FLT1: variants seen among roughly 807,000 people sequenced by gnomAD.
The protein encoded by FLT1 is vascular endothelial growth factor receptor 1.
A neutral mutation model predicts 156.3 loss-of-function variants in FLT1; 49 were observed. The observed-to-expected ratio is 0.31, with a 90% CI of 0.25 to 0.40. The LOEUF is 0.40. FLT1 is among the 10% of genes least tolerant of loss of function. The probability of loss-of-function intolerance (pLI) is 1.00; values close to 1 mark genes in which losing one functional copy is unlikely to be tolerated. For missense variants in FLT1, 1,322 were observed against 1,637.2 expected, an observed-to-expected ratio of 0.81 and a Z score of 3.32; for synonymous variants, 594 against 583.8, an observed-to-expected ratio of 1.02 and a Z score of -0.25.
At position 28,430,052 on chromosome 13, in the gene FLT1, T is replaced by A; in HGVS notation, c.1104A>T (p.Val368=). 1 of 1,599,950 alleles carries A rather than the reference T, an allele frequency of 6.3e-7. No homozygotes were observed. Among genetic ancestry groups the A allele is most frequent in the South Asian group, 1.1e-5 (1 of 90,792 alleles). Residue 368 remains valine (V), a splice_region_variant and synonymous_variant, in exon 8 of 30, where the codon GTA becomes GTT. Transcript: ENST00000282397. ...TATGGAAATAAGGATGGTCCTACCATACAACTTCCGGCGAGGGAAATGCCT... is the reference window on the plus strand; with the variant it reads ...TATGGAAATAAGGATGGTCCTACCAAACAACTTCCGGCGAGGGAAATGCCT... ...KVKAFPSPEV[V]WLKDGLPATE... is the part of the protein sequence containing the mutation.
At chr13:28,485,026 A>G (rs1015203377) in intron 1 of FLT1, among the ~76,000 whole-genome samples, 7 of 152,140 alleles carry the variant, frequency 4.6e-5, no homozygotes, top group African/African-American at 1.7e-4. Flanking sequence ...GCACATGTAT[A>G]CGTATGTAAC....
intron 7 of FLT1, among the ~76,000 whole-genome samples, chr13:28,430,478 C>G (rs1181923030): frequency 6.6e-6 from 1 of 152,108 alleles, no homozygotes; most frequent in Non-Finnish European, 1.5e-5. Flanking sequence ...TAAAAATCTA[C>G]CTGGCCACTA....
At chr13:28,305,906 G>A (rs1034031954) in intron 29 of FLT1, among the ~76,000 whole-genome samples, 1 of 152,192 alleles carries the variant, frequency 6.6e-6, no homozygotes, top group African/African-American at 2.4e-5. Flanking sequence ...GCAGTAGGGA[G>A]CATTTGCTGA....
chr13:28,319,507 G>A lies in FLT1; in HGVS notation c.3202C>T (p.Pro1068Ser), dbSNP rs2138826799. ...DTRLPLKWMAPESIFDKIYST... is the reference protein window; with the variant it reads ...DTRLPLKWMASESIFDKIYST... ...TAGATTTTGTCAAAGATAGATTCAG[G>A]AGCCATCCATTTCAGAGGAAGTCGA... Residue 1068 changes from proline (P) to serine (S), a missense_variant, in exon 24 of 30, where the codon CCT becomes TCT. By Grantham distance (74) the Pro-to-Ser change is moderately conservative (BLOSUM62 -1). This residue lies in a region of FLT1 where 329 missense variants were observed against 366.2 expected (regional missense o/e 0.90). Transcript: ENST00000282397. The A allele has an allele frequency of 6.2e-7, 1 of 1,613,614 alleles. No individual in the cohort carries two copies. The highest frequency in any genetic ancestry group is 8.5e-7 in the Non-Finnish European group (1 of 1,179,624).
intron 11 of FLT1, among the ~76,000 whole-genome samples, chr13:28,399,477 A>G (rs1875291611): frequency 6.6e-6 from 1 of 152,176 alleles, no homozygotes. Flanking sequence ...TTGAACTTAG[A>G]GCAACCGAGA....
intron 3 of FLT1, among the ~76,000 whole-genome samples, chr13:28,444,419 C>T (rs61950247): frequency 0.24 from 35,979 of 151,716 alleles, 4,802 homozygotes; most frequent in Non-Finnish European, 0.31. Flanking sequence ...CCAGCCTGGG[C>T]GACACAGCAA....
intron 14 of FLT1, among the ~76,000 whole-genome samples, chr13:28,369,922 G>A (rs548920760): frequency 9.2e-5 from 14 of 152,218 alleles, no homozygotes; most frequent in South Asian, 2.1e-4. Flanking sequence ...CATATAGGCC[G>A]GGTGCAGTGG....
chr13:28,321,739 G>A (rs144722893), intron 22 of FLT1, among the ~76,000 whole-genome samples, 154 bp from the exon 23 acceptor site: 122 of 152,342 alleles, frequency 8.0e-4, no homozygotes, highest in African/African-American at 2.8e-3. Flanking sequence ...TAAACATGAA[G>A]AGCCTCTCTA....
Position 28,303,325 on chromosome 13 carries a change from C to T in FLT1, c.3859G>A (p.Val1287Ile). ...SKSKESGLSD[V>I]SRPSFCHSSC... Reference sequence around the variant, plus strand: ...GAATGGCAGAAACTGGGCCTGCTGACATCAGACAGCCCCGACTCCTTACTT... The same window carrying T: ...GAATGGCAGAAACTGGGCCTGCTGATATCAGACAGCCCCGACTCCTTACTT... Residue 1287 changes from valine to isoleucine, a missense_variant, in exon 30 of 30, where the codon GTC becomes ATC. Physicochemically the swap from Val to Ile is conservative, Grantham distance 29. This residue lies in a region of FLT1 where 329 missense variants were observed against 366.2 expected (regional missense o/e 0.90). Coordinates refer to ENST00000282397, the MANE Select transcript of FLT1 (RefSeq NM_002019.4). 1 of 1,614,108 alleles carries T rather than the reference C, an allele frequency of 6.2e-7. No homozygotes were observed. Among genetic ancestry groups the T allele is most frequent in the Non-Finnish European group, 8.5e-7 (1 of 1,180,024 alleles).
chr13:28,474,251 T>C (rs557738417), intron 1 of FLT1, among the ~76,000 whole-genome samples: 1 of 151,782 alleles, frequency 6.6e-6, no homozygotes, highest in South Asian at 2.1e-4. Flanking sequence ...AGGTCAGGAG[T>C]TCGAGACCAG....
At chr13:28,453,013 CCCCTCCCCCTCCCCTT>C (rs1879042916) in intron 3 of FLT1, among the ~76,000 whole-genome samples, 2 of 21,790 alleles carry the variant, frequency 9.2e-5, no homozygotes, top group Non-Finnish European at 1.7e-4. Context: ...TCCTCCCCTC[CCCCTCCCCCTCCCCTT>C]TCCTTTCCTT....
intron 20 of FLT1, among the ~76,000 whole-genome samples, chr13:28,323,161 A>G (rs1308241796): frequency 6.6e-6 from 1 of 151,616 alleles, no homozygotes; most frequent in African/African-American, 2.4e-5. Context: ...TCTAGACAGC[A>G]TCTTAGATCA....
intron 14 of FLT1, 116 bp downstream of exon 14, chr13:28,384,769 G>A: frequency 1.0e-6 from 1 of 990,046 alleles, no homozygotes; most frequent in Non-Finnish European, 1.6e-6. Flanking sequence ...CCAGTGTTTG[G>A]GGCTCTATCA....
In FLT1 at chr13:28,410,802, T is replaced by A. The variant is rs190882061; in HGVS notation, c.1437-4908A>T. Reference sequence around the variant, plus strand: ...CTTATTTCATAAATCCTTTTATCAATAAGGAAACTGAGACTCAGAAAAATC... The same window carrying A: ...CTTATTTCATAAATCCTTTTATCAAAAAGGAAACTGAGACTCAGAAAAATC... On this transcript the variant is annotated intron_variant, in intron 10 of 29. Coordinates refer to ENST00000282397, the MANE Select transcript of FLT1 (RefSeq NM_002019.4). 4.7e-3 allele frequency among the ~76,000 whole-genome samples: 712 copies of A among 152,306 alleles called. 7 individuals are homozygous for A. Among genetic ancestry groups the A allele is most frequent in the African/African-American group, 0.016 (680 of 41,566 alleles).
intron 1 of FLT1, among the ~76,000 whole-genome samples, chr13:28,486,154 C>A (rs1209763487): frequency 1.3e-5 from 2 of 152,220 alleles, no homozygotes; most frequent in Non-Finnish European, 2.9e-5. Context: ...GTGGAGCTCA[C>A]GCAATATTAA....
At chr13:28,306,166 G>A (rs1870740120) in intron 29 of FLT1, among the ~76,000 whole-genome samples, 1 of 152,216 alleles carries the variant, frequency 6.6e-6, no homozygotes, top group African/African-American at 2.4e-5. Context: ...GGAGCTGGTG[G>A]ACTACAAGCC....
At chr13:28,344,508 A>G in intron 16 of FLT1, among the ~76,000 whole-genome samples, 1 of 152,220 alleles carries the variant, frequency 6.6e-6, no homozygotes, top group East Asian at 1.9e-4. Context: ...CACTGTCACC[A>G]GAGGGTCTTG....
At chr13:28,423,165 C>T (rs1877114529) in intron 10 of FLT1, among the ~76,000 whole-genome samples, 1 of 152,094 alleles carries the variant, frequency 6.6e-6, no homozygotes, top group Admixed American at 6.5e-5. Flanking sequence ...GCATCAGCTC[C>T]CCCACATGCC....
rs776047118 is a variant in FLT1 at position 28,322,412 on chromosome 13, A to G, written c.2954-53T>C. The G allele has an allele frequency of 3.5e-6, 4 of 1,143,370 alleles. No homozygotes were observed. The highest frequency in any genetic ancestry group is 5.3e-6 in the Non-Finnish European group (4 of 752,064). The allele number at this position is 1,143,370 out of a possible 1,614,324, so 70.8% of individuals were successfully genotyped here. A position where few individuals can be genotyped will look rare whatever the true frequency, so the allele number is the denominator to read the frequency against. Reference sequence around the variant, plus strand: ...TGTAATGGCTCTTGTTATCCCACCAAATCCCAGTTTATTGGAACAATGTTA... The same window carrying G: ...TGTAATGGCTCTTGTTATCCCACCAGATCCCAGTTTATTGGAACAATGTTA... On this transcript the variant is annotated intron_variant, in intron 21 of 29. Transcript: ENST00000282397. The surrounding 1 kb of genome is among the most constrained non-coding windows in gnomAD (Gnocchi z 4.3).
Sources: gnomAD v4.1 joint callset for allele counts (sites outside exome capture counted in the v4.1 genomes callset) on GRCh38, gnomAD v4.1.1 for gene constraint, gnomAD v4.1.1 regional missense constraint, Gnocchi (gnomAD v3.1) non-coding constraint, MANE v1.5 for transcripts, NCBI Gene and HGNC (gene_info 2026-07-23, HGNC 2026-07-21) for gene names.